UBASH3B: variants seen among roughly 807,000 people sequenced by gnomAD.
The protein encoded by UBASH3B is ubiquitin-associated and SH3 domain-containing protein B.
Under a neutral mutation model 83.4 loss-of-function variants are expected in UBASH3B, and 37 were observed. The observed-to-expected ratio is 0.44, with a 90% confidence interval of 0.34 to 0.58. UBASH3B has a LOEUF of 0.58. UBASH3B is among the 20% of genes least tolerant of loss of function. UBASH3B has a pLI of 0.01. For missense variants in UBASH3B, 657 were observed against 827.2 expected (o/e 0.79, Z 2.52); for synonymous variants, 304 against 318.3 (o/e 0.96, Z 0.48).
intron 2 of UBASH3B, 131 bp downstream of exon 2, chr11:122,776,403 G>T: frequency 1.2e-6 from 1 of 804,560 alleles, no homozygotes; most frequent in Non-Finnish European, 1.9e-6. Context: ...ACTGTGGCAA[G>T]TGCGTTTATC....
chr11:122,769,160 G>A (rs1335314682), intron 1 of UBASH3B, among the ~76,000 whole-genome samples: 1 of 152,170 alleles, frequency 6.6e-6, no homozygotes, highest in African/African-American at 2.4e-5. Context: ...AAGAACCTCA[G>A]GAAGCTTCCA....
chr11:122,755,967 A>G (rs949412424), intron 1 of UBASH3B, among the ~76,000 whole-genome samples: 1 of 152,108 alleles, frequency 6.6e-6, no homozygotes, highest in Admixed American at 6.6e-5. Context: ...TCTCCCCATT[A>G]CCACGGAAGG....
intron 1 of UBASH3B, among the ~76,000 whole-genome samples, chr11:122,765,984 A>C (rs1591804029): frequency 6.6e-6 from 1 of 152,106 alleles, no homozygotes; most frequent in African/African-American, 2.4e-5. Context: ...TGTATTAATC[A>C]CCCAGCGTGG....
intron 6 of UBASH3B, 68 bp downstream of exon 6, chr11:122,789,376 A>G (rs1236550428): frequency 3.3e-6 from 5 of 1,537,576 alleles, no homozygotes; most frequent in East Asian, 2.3e-5. Flanking sequence ...TCCTGGATAC[A>G]CAGGGCAGCA....
intron 1 of UBASH3B, among the ~76,000 whole-genome samples, chr11:122,661,107 G>C (rs1452172805): frequency 6.6e-6 from 1 of 152,214 alleles, no homozygotes; most frequent in Non-Finnish European, 1.5e-5. Context: ...CAAGAAGGGA[G>C]AGGAGGTGAG....
At position 122,792,508 on chromosome 11, in the gene UBASH3B, G is replaced by A. The variant is rs536225776; in HGVS notation, c.981-2194G>A. On this transcript the variant is annotated intron_variant, in intron 6 of 13. Coordinates refer to ENST00000284273, the MANE Select transcript of UBASH3B (RefSeq NM_032873.5). Reference sequence around the variant, plus strand: ...TAATTTTTGTATTTTGAATAGAGACGGGGTTTCACCACGTTGGCCAGGCTG... The same window carrying A: ...TAATTTTTGTATTTTGAATAGAGACAGGGTTTCACCACGTTGGCCAGGCTG... 1.6e-3 allele frequency among the ~76,000 whole-genome samples: 238 copies of A among 151,864 alleles called. 1 individual carries two copies. The highest frequency in any genetic ancestry group is 5.3e-3 in the African/African-American group (221 of 41,406).
chr11:122,658,718 G>A (rs1020332681), intron 1 of UBASH3B, among the ~76,000 whole-genome samples: 19 of 152,228 alleles, frequency 1.2e-4, no homozygotes, highest in African/African-American at 4.6e-4. Flanking sequence ...AGGGCCAGTA[G>A]GGCCAGGATA....
chr11:122,716,236 A>G (rs12277819), intron 1 of UBASH3B, among the ~76,000 whole-genome samples: 26,600 of 152,194 alleles, frequency 0.17, 3,290 homozygotes, highest in African/African-American at 0.35. Context: ...CAGTGGCTCA[A>G]TCCATGACTC....
intron 4 of UBASH3B, 25 bp downstream of exon 4, chr11:122,779,720 C>G (rs1184421534): frequency 6.2e-7 from 1 of 1,613,212 alleles, no homozygotes; most frequent in Admixed American, 1.7e-5. Flanking sequence ...GCCAGGCCAG[C>G]CCTGGGCCCT....
intron 1 of UBASH3B, among the ~76,000 whole-genome samples, chr11:122,666,963 C>G (rs535516622): frequency 1.3e-5 from 2 of 151,780 alleles, no homozygotes; most frequent in African/African-American, 2.4e-5. Context: ...CCCAAATCAC[C>G]TATGAAGATG....
chr11:122,674,456 C>T (rs1001039747), intron 1 of UBASH3B, among the ~76,000 whole-genome samples: 3 of 150,504 alleles, frequency 2.0e-5, no homozygotes, highest in Non-Finnish European at 4.4e-5. Context: ...TCTCAGTTCA[C>T]TGCAAGCTCC....
At chr11:122,674,379 CTTTTTT>C (rs35529594) in intron 1 of UBASH3B, among the ~76,000 whole-genome samples, 1 of 133,208 alleles carries the variant, frequency 7.5e-6, no homozygotes, top group East Asian at 2.2e-4. Flanking sequence ...CATTGTCTGT[CTTTTTT>C]TTTTTTTTTT....
chr11:122,787,528 G>A (rs1397679370), intron 5 of UBASH3B, among the ~76,000 whole-genome samples: 2 of 152,130 alleles, frequency 1.3e-5, no homozygotes, highest in African/African-American at 4.8e-5. Flanking sequence ...CCTTTCTTTA[G>A]CGATTTCCAG....
Position 122,768,309 on chromosome 11 carries a change from G to A in UBASH3B, c.162-7910G>A, listed in dbSNP as rs147522719. Among the ~76,000 whole-genome samples the A allele has an allele frequency of 1.7e-3, 256 of 152,248 alleles. 2 individuals are homozygous for A. Among genetic ancestry groups the A allele is most frequent in the African/African-American group, 6.0e-3 (249 of 41,534 alleles). On this transcript the variant is annotated intron_variant, in intron 1 of 13. Transcript: ENST00000284273. ...CCAATGACTCTCCTGTCAAGAGGGCGCTCTGTGGAGAAGCAGAAATGCTGT... is the reference window on the plus strand; with the variant it reads ...CCAATGACTCTCCTGTCAAGAGGGCACTCTGTGGAGAAGCAGAAATGCTGT...
Position 122,678,157 on chromosome 11 carries a change from A to AT in UBASH3B, c.161+21948dup, listed in dbSNP as rs369562264. ...TACCTCCCAAAGGCCCCATCTTCAA[A>AT]TACCATCATATTAAAGGTTAGGGCT... On this transcript the variant is annotated intron_variant, in intron 1 of 13. Coordinates refer to ENST00000284273, the MANE Select transcript of UBASH3B (RefSeq NM_032873.5). Among the ~76,000 whole-genome samples, 330 of 152,348 alleles carry AT rather than the reference A, an allele frequency of 2.2e-3. 2 individuals are homozygous for AT. Among genetic ancestry groups the AT allele is most frequent in the African/African-American group, 7.6e-3 (316 of 41,586 alleles).
chr11:122,792,808 T>A (rs1214399445), intron 6 of UBASH3B, among the ~76,000 whole-genome samples: 1 of 152,192 alleles, frequency 6.6e-6, no homozygotes, highest in African/African-American at 2.4e-5. Flanking sequence ...GAACTGTAGG[T>A]TCCTGGGTCC....
At chr11:122,690,179 TATATATATA>T (rs1478333736) in intron 1 of UBASH3B, among the ~76,000 whole-genome samples, 1 of 33,796 alleles carries the variant, frequency 3.0e-5, no homozygotes, top group Non-Finnish European at 6.1e-5. Flanking sequence ...TATATATATA[TATATATATA>T]TATATATATA....
At chr11:122,664,171 A>C (rs1863483809) in intron 1 of UBASH3B, among the ~76,000 whole-genome samples, 1 of 152,266 alleles carries the variant, frequency 6.6e-6, no homozygotes, top group South Asian at 2.1e-4. Context: ...CTCTCTCTAG[A>C]GTGCCCAGAG....
intron 1 of UBASH3B, among the ~76,000 whole-genome samples, chr11:122,724,253 A>G (rs1030351197): frequency 6.6e-6 from 1 of 152,236 alleles, no homozygotes; most frequent in South Asian, 2.1e-4. Flanking sequence ...CGGTAAGATC[A>G]TGATGACACT....
Sources: gnomAD v4.1 joint callset for allele counts (sites outside exome capture counted in the v4.1 genomes callset) on GRCh38, gnomAD v4.1.1 for gene constraint, MANE v1.5 for transcripts, NCBI Gene and HGNC (gene_info 2026-07-23, HGNC 2026-07-21) for gene names.